GPC5: variants seen among roughly 807,000 people sequenced by gnomAD.
GPC5 encodes glypican 5.
Under a neutral mutation model 53.9 loss-of-function variants are expected in GPC5, and 47 were observed. The ratio of observed to expected loss-of-function variants is 0.87; its 90% CI spans 0.69 to 1.11. The LOEUF (loss-of-function observed/expected upper bound fraction) is 1.11, where lower values mean the gene tolerates loss of function less well. Among genes scored for constraint, GPC5 ranks in the 50% most tolerant of loss-of-function variants. The pLI, the probability that GPC5 is intolerant of heterozygous loss-of-function variation, is 0.00. For missense variants in GPC5, 748 were observed against 713.1 expected (o/e 1.05, Z -0.56); for synonymous variants, 286 against 263.3 (o/e 1.09, Z -0.84).
chr13:92,816,830 A>G (rs17299669), intron 7 of GPC5, among the ~76,000 whole-genome samples: 7,153 of 151,952 alleles, frequency 0.047, 532 homozygotes, highest in East Asian at 0.34. Flanking sequence ...CTCTGCCAAC[A>G]TGTGCCTTGA....
intron 7 of GPC5, among the ~76,000 whole-genome samples, chr13:92,368,982 C>T (rs2043628982): frequency 1.3e-5 from 2 of 152,104 alleles, no homozygotes; most frequent in African/African-American, 4.8e-5. Flanking sequence ...CATTTTCTCT[C>T]CAGCTGTATA....
chr13:92,038,371 G>C (rs1469002985), intron 6 of GPC5, among the ~76,000 whole-genome samples: 2 of 135,146 alleles, frequency 1.5e-5, no homozygotes, highest in Non-Finnish European at 3.2e-5. Flanking sequence ...TAGATAGATA[G>C]ATAGATAGAT....
intron 7 of GPC5, among the ~76,000 whole-genome samples, chr13:92,694,551 C>T (rs1038876076): frequency 2.0e-5 from 3 of 152,194 alleles, no homozygotes; most frequent in Non-Finnish European, 2.9e-5. Flanking sequence ...TTTGGATTTG[C>T]ATGGGCCTGT....
At chr13:91,507,212 C>A (rs1884989929) in intron 2 of GPC5, among the ~76,000 whole-genome samples, 1 of 152,040 alleles carries the variant, frequency 6.6e-6, no homozygotes, top group Admixed American at 6.6e-5. Flanking sequence ...GTTCCTGGTT[C>A]ATAGATATCT....
In GPC5 at chr13:92,701,828, C is replaced by A. The variant is rs1187581547; in HGVS notation, c.1562-164454C>A. ...GATAAATGACTTGGCATACCAGAGA[C>A]ATCTAAAAATGGAATTCATTCTGGG... On this transcript the variant is annotated intron_variant, in intron 7 of 7. Transcript: ENST00000377067. 2.0e-5 allele frequency among the ~76,000 whole-genome samples: 3 copies of A among 152,056 alleles called. No individual in the cohort carries two copies. In the East Asian group the frequency reaches 5.8e-4, roughly 29 times the overall value.
chr13:92,846,011 C>T (rs1202839865), intron 7 of GPC5, among the ~76,000 whole-genome samples: 3 of 152,004 alleles, frequency 2.0e-5, no homozygotes, highest in Admixed American at 1.3e-4. Context: ...CCTATCAGTC[C>T]GTTCTCACAC....
At chr13:92,247,311 T>A (rs1033422265) in intron 7 of GPC5, among the ~76,000 whole-genome samples, 1 of 152,126 alleles carries the variant, frequency 6.6e-6, no homozygotes, top group Non-Finnish European at 1.5e-5. Flanking sequence ...GAAGAAGGTA[T>A]TAATTGAGAC....
At chr13:92,450,231 T>C (rs1355112022) in intron 7 of GPC5, among the ~76,000 whole-genome samples, 1 of 152,182 alleles carries the variant, frequency 6.6e-6, no homozygotes, top group East Asian at 1.9e-4. Flanking sequence ...AGACCTGAAG[T>C]ACAGGTCGAG....
At chr13:92,179,706 G>A (rs1001865677) in intron 7 of GPC5, among the ~76,000 whole-genome samples, 1 of 151,946 alleles carries the variant, frequency 6.6e-6, no homozygotes, top group Non-Finnish European at 1.5e-5. Flanking sequence ...AAATATTCAG[G>A]GCCTAGTGGC....
At chr13:92,546,568 A>G (rs558471643) in intron 7 of GPC5, among the ~76,000 whole-genome samples, 7 of 152,320 alleles carry the variant, frequency 4.6e-5, no homozygotes, top group Non-Finnish European at 7.4e-5. Context: ...GGAAGAATCA[A>G]TATTGTGAAA....
At chr13:92,068,655 G>C (rs1182183915) in intron 6 of GPC5, among the ~76,000 whole-genome samples, 1 of 150,868 alleles carries the variant, frequency 6.6e-6, no homozygotes, top group African/African-American at 2.4e-5. Flanking sequence ...TCTATTCCTA[G>C]TTTGCATATT....
intron 2 of GPC5, among the ~76,000 whole-genome samples, chr13:91,593,085 A>C (rs1265721944): frequency 2.6e-5 from 4 of 152,174 alleles, no homozygotes; most frequent in Non-Finnish European, 5.9e-5. Flanking sequence ...CTAGATGTCC[A>C]TGGGGGATGC....
At chr13:91,551,264 A>T (rs565390225) in intron 2 of GPC5, among the ~76,000 whole-genome samples, 13 of 152,268 alleles carry the variant, frequency 8.5e-5, no homozygotes, top group African/African-American at 3.1e-4. Flanking sequence ...ATCTTTAAAA[A>T]ATCAGAGTGA....
chr13:92,105,336 T>A (rs927021981), intron 6 of GPC5, among the ~76,000 whole-genome samples: 44 of 152,146 alleles, frequency 2.9e-4, no homozygotes, highest in Non-Finnish European at 1.5e-4. Flanking sequence ...CGTCTACTTA[T>A]TTCTAGCATA....
intron 7 of GPC5, among the ~76,000 whole-genome samples, chr13:92,641,042 G>T (rs577501133): frequency 6.6e-6 from 1 of 152,208 alleles, no homozygotes; most frequent in African/African-American, 2.4e-5. Context: ...AATAATTCAG[G>T]CAAGAAATAT....
At chr13:92,229,347 C>A (rs1159522329) in intron 7 of GPC5, among the ~76,000 whole-genome samples, 8 of 151,896 alleles carry the variant, frequency 5.3e-5, no homozygotes. Flanking sequence ...TTTAATCTGT[C>A]ATAGAAAAGT....
chr13:92,650,394 G>A (rs539710777), intron 7 of GPC5, among the ~76,000 whole-genome samples: 4 of 152,188 alleles, frequency 2.6e-5, no homozygotes, highest in Admixed American at 2.6e-4. Flanking sequence ...GATTTCCAGA[G>A]CAAATGGGCT....
chr13:91,886,646 G>A (rs117274838), intron 5 of GPC5, among the ~76,000 whole-genome samples: 6 of 151,926 alleles, frequency 3.9e-5, no homozygotes, highest in Non-Finnish European at 7.4e-5. Flanking sequence ...AGGTATTTAC[G>A]CCTGTTCCAA....
intron 6 of GPC5, among the ~76,000 whole-genome samples, chr13:92,111,863 A>T (rs2041559710): frequency 6.6e-6 from 1 of 152,218 alleles, no homozygotes; most frequent in African/African-American, 2.4e-5. Context: ...CATTAAAGGG[A>T]AAACTATTTT....
Sources: allele counts gnomAD v4.1 joint callset (sites outside exome capture counted in the v4.1 genomes callset), GRCh38; gene constraint gnomAD v4.1.1; transcripts MANE v1.5; gene names NCBI Gene and HGNC (gene_info 2026-07-23, HGNC 2026-07-21).